STARD13: variants seen among roughly 807,000 people sequenced by gnomAD.
STARD13 encodes the protein stAR-related lipid transfer protein 13.
STARD13 carries 62 observed loss-of-function variants against 106.4 expected under a neutral mutation model. That is an observed-to-expected ratio of 0.58 (90% CI 0.48 to 0.72). The LOEUF is 0.72. Among genes scored for constraint, STARD13 ranks in the 30% least tolerant of loss-of-function variants. The pLI, the probability that STARD13 is intolerant of heterozygous loss-of-function variation, is 0.00. For missense variants in STARD13, 1,387 were observed against 1,424.0 expected (o/e 0.97, Z 0.42); for synonymous variants, 565 against 553.0 (o/e 1.02, Z -0.31).
the STARD13 span, among the ~76,000 whole-genome samples, chr13:33,384,892 C>T: frequency 5.9e-5 from 9 of 152,092 alleles, no homozygotes; most frequent in East Asian, 1.7e-3. Flanking sequence ...AGCAGATGAC[C>T]TACATATGGA....
At chr13:33,529,599 G>T in the STARD13 span, among the ~76,000 whole-genome samples, 1 of 152,062 alleles carries the variant, frequency 6.6e-6, no homozygotes. Flanking sequence ...CTAAACTAAG[G>T]AGAAAGGGTC....
intron 1 of STARD13, among the ~76,000 whole-genome samples, chr13:33,258,890 A>G (rs1890500114): frequency 6.6e-6 from 1 of 152,308 alleles, no homozygotes; most frequent in Admixed American, 6.5e-5. Flanking sequence ...TTTCTCCTAT[A>G]AGTGTCTTTC....
the STARD13 span, among the ~76,000 whole-genome samples, chr13:33,651,526 G>T: frequency 6.6e-6 from 1 of 152,156 alleles, no homozygotes; most frequent in African/African-American, 2.4e-5. Context: ...TAAATTATAT[G>T]ATTTGATCAT....
At chr13:33,185,463 AAT>A (rs1459869505) in intron 1 of STARD13, among the ~76,000 whole-genome samples, 1 of 152,176 alleles carries the variant, frequency 6.6e-6, no homozygotes, top group Admixed American at 6.5e-5. Context: ...CTTCGCTTAG[AAT>A]TCTCCATGGT....
the STARD13 span, among the ~76,000 whole-genome samples, chr13:33,537,332 G>A: frequency 1.3e-5 from 2 of 152,228 alleles, no homozygotes; most frequent in African/African-American, 4.8e-5. Flanking sequence ...ACGCAGACAA[G>A]TTATGACTAA....
chr13:33,297,952 T>C (rs1892560696), intron 1 of STARD13, among the ~76,000 whole-genome samples: 1 of 152,096 alleles, frequency 6.6e-6, no homozygotes, highest in African/African-American at 2.4e-5. Flanking sequence ...TAATTTCATC[T>C]AAGAAAGAGA....
intron 1 of STARD13, among the ~76,000 whole-genome samples, chr13:33,262,641 C>A (rs867882879): frequency 7.4e-6 from 1 of 134,632 alleles, no homozygotes; most frequent in Non-Finnish European, 1.6e-5. Flanking sequence ...ACCCAGAACC[C>A]CCCCCCCCAC....
chr13:33,241,620 C>T (rs973951990), intron 1 of STARD13, among the ~76,000 whole-genome samples: 76 of 148,378 alleles, frequency 5.1e-4, no homozygotes, highest in African/African-American at 1.8e-3. Flanking sequence ...GCCGCCATCT[C>T]AACTCACTGC....
chr13:33,501,682 A>T, the STARD13 span, among the ~76,000 whole-genome samples: 1 of 152,198 alleles, frequency 6.6e-6, no homozygotes, highest in Non-Finnish European at 1.5e-5. Context: ...TTTGTCAAAG[A>T]TCAATGGTTG....
In STARD13 at chr13:33,208,140, T is replaced by G. The variant is rs1887520924; in HGVS notation, c.170-40518A>C. ...ATTCCGTGCTAGCCACTTCAGAGGATGTGTGCTGCCAGCTCTCTCTGGCAC... is the reference window on the plus strand; with the variant it reads ...ATTCCGTGCTAGCCACTTCAGAGGAGGTGTGCTGCCAGCTCTCTCTGGCAC... On this transcript the variant is annotated intron_variant, in intron 1 of 13. Coordinates refer to ENST00000336934, the MANE Select transcript of STARD13 (RefSeq NM_178006.4). Among the ~76,000 whole-genome samples, 4 of 152,192 alleles carry G rather than the reference T, an allele frequency of 2.6e-5. No individual in the cohort carries two copies. In the South Asian group the frequency reaches 8.3e-4, roughly 32 times the overall value.
the STARD13 span, among the ~76,000 whole-genome samples, chr13:33,475,970 G>C: frequency 6.6e-6 from 1 of 151,194 alleles, no homozygotes; most frequent in East Asian, 1.9e-4. Flanking sequence ...ATAAAAAAAA[G>C]AAAAAAAAGA....
the STARD13 span, among the ~76,000 whole-genome samples, chr13:33,391,634 T>A: frequency 6.6e-6 from 1 of 151,790 alleles, no homozygotes; most frequent in South Asian, 2.1e-4. Context: ...GAAGAAGGAG[T>A]GTTTTGGTAA....
chr13:33,385,218 A>T, the STARD13 span, among the ~76,000 whole-genome samples: 1 of 33,570 alleles, frequency 3.0e-5, no homozygotes, highest in African/African-American at 7.0e-5. Flanking sequence ...AAAGGTTCGG[A>T]ATATATATAT....
intron 1 of STARD13, among the ~76,000 whole-genome samples, chr13:33,199,019 G>A (rs1355423702): frequency 6.6e-6 from 1 of 152,154 alleles, no homozygotes. Context: ...GTATAGTCAC[G>A]CTGAGGTTCA....
chr13:33,177,102 A>G (rs1008811260), intron 1 of STARD13, among the ~76,000 whole-genome samples: 8 of 152,216 alleles, frequency 5.3e-5, no homozygotes, highest in African/African-American at 1.2e-4. Context: ...TACCTTGTCT[A>G]ATATGAATAG....
intron 1 of STARD13, among the ~76,000 whole-genome samples, chr13:33,298,121 GTTTTTTTTTTTTT>G (rs71071090): frequency 3.9e-5 from 2 of 51,914 alleles, no homozygotes; most frequent in African/African-American, 7.4e-5. Context: ...CCCATCTACA[GTTTTTTTTTTTTT>G]TTTTTTTTTT....
In STARD13 at chr13:33,297,423, C is replaced by G. The variant is rs192576073; in HGVS notation, c.124+52867G>C. On this transcript the variant is annotated intron_variant, in intron 1 of 5. Coordinates refer to the STARD13 transcript ENST00000567873. ...ATCTTCAATGACCTTAAAACCCTCT[C>G]TTTCATTCCCTGACTTTGGGAATCT... 1.3e-3 allele frequency among the ~76,000 whole-genome samples: 199 copies of G among 152,310 alleles called. 5 individuals are homozygous for G. The East Asian group carries it at 0.033, about 25-fold the overall frequency.
At chr13:33,125,593 T>A (rs1305144375) in intron 7 of STARD13, among the ~76,000 whole-genome samples, 1 of 151,942 alleles carries the variant, frequency 6.6e-6, no homozygotes, top group Non-Finnish European at 1.5e-5. Context: ...TGCACATTTT[T>A]AAAAGATGTA....
At chr13:33,273,543 A>G (rs1244632021) in intron 1 of STARD13, among the ~76,000 whole-genome samples, 1 of 152,242 alleles carries the variant, frequency 6.6e-6, no homozygotes, top group African/African-American at 2.4e-5. Context: ...ATTTTAGTCC[A>G]TTAAACTCTA....
Sources: allele counts gnomAD v4.1 joint callset (sites outside exome capture counted in the v4.1 genomes callset), GRCh38; gene constraint gnomAD v4.1.1; transcripts MANE v1.5; gene names NCBI Gene and HGNC (gene_info 2026-07-23, HGNC 2026-07-21).